Variants in CSMD1 observed in about 807,000 individuals in gnomAD.
The protein encoded by CSMD1 is CUB and sushi domain-containing protein 1.
A neutral mutation model predicts 417.5 loss-of-function variants in CSMD1; 213 were observed. The observed-to-expected ratio is 0.51, with a 90% CI of 0.46 to 0.57. The LOEUF is 0.57. Among genes scored for constraint, CSMD1 ranks in the 20% least tolerant of loss-of-function variants. CSMD1 has a pLI of 0.00. For missense variants in CSMD1, 6,923 were observed against 4,529.7 expected, an observed-to-expected ratio of 1.53 and a Z score of -15.17; for synonymous variants, 2,862 against 1,736.8, an observed-to-expected ratio of 1.65 and a Z score of -16.11.
intron 10 of CSMD1, among the ~76,000 whole-genome samples, chr8:3,514,975 C>T (rs1467737728): frequency 2.0e-5 from 3 of 152,078 alleles, no homozygotes; most frequent in African/African-American, 7.2e-5. Flanking sequence ...ATCAAAGTGC[C>T]TTTTAAAAAC....
At chr8:4,068,379 G>T (rs549676160) in intron 3 of CSMD1, among the ~76,000 whole-genome samples, 54 of 152,290 alleles carry the variant, frequency 3.5e-4, no homozygotes, top group African/African-American at 1.3e-3. Flanking sequence ...TCAGCCATGG[G>T]AGTGTGACTT....
At chr8:2,972,079 C>T (rs113303318) in intron 57 of CSMD1, among the ~76,000 whole-genome samples, 5 of 151,958 alleles carry the variant, frequency 3.3e-5, no homozygotes, top group African/African-American at 9.6e-5. Flanking sequence ...TATGCACAAA[C>T]ATTCCTATAT....
At chr8:3,946,865 C>T (rs920707035) in intron 5 of CSMD1, among the ~76,000 whole-genome samples, 3 of 152,088 alleles carry the variant, frequency 2.0e-5, no homozygotes, top group South Asian at 2.1e-4. Context: ...TGAAATTGCT[C>T]ATTGCTTGTA....
chr8:3,467,128 G>C (rs1816832092), intron 12 of CSMD1, among the ~76,000 whole-genome samples: 1 of 152,170 alleles, frequency 6.6e-6, no homozygotes, highest in Non-Finnish European at 1.5e-5. Flanking sequence ...TATAATTAAT[G>C]TGGTGTGGTC....
At chr8:4,483,093 A>T (rs184296436) in intron 2 of CSMD1, among the ~76,000 whole-genome samples, 3 of 152,280 alleles carry the variant, frequency 2.0e-5, no homozygotes, top group Non-Finnish European at 4.4e-5. Context: ...TAATTGAATG[A>T]CAGGGGCAGT....
intron 20 of CSMD1, 21 bp from the exon 21 acceptor site, chr8:3,359,361 G>A: frequency 6.4e-7 from 1 of 1,558,136 alleles, no homozygotes; most frequent in Non-Finnish European, 8.8e-7. Flanking sequence ...CAGAGACAGA[G>A]TAAATGCATG....
At chr8:3,660,314 G>A (rs972467710) in intron 7 of CSMD1, among the ~76,000 whole-genome samples, 5 of 151,974 alleles carry the variant, frequency 3.3e-5, no homozygotes, top group South Asian at 2.1e-4. Flanking sequence ...TGGTAACTGT[G>A]TCCACCTTAC....
At chr8:4,432,675 A>T (rs1008206058) in intron 2 of CSMD1, among the ~76,000 whole-genome samples, 3 of 152,310 alleles carry the variant, frequency 2.0e-5, no homozygotes, top group South Asian at 2.1e-4. Flanking sequence ...GAGAGACAAG[A>T]TTCAAACCCT....
intron 46 of CSMD1, among the ~76,000 whole-genome samples, chr8:3,105,213 A>C (rs2129014093): frequency 6.6e-6 from 1 of 152,376 alleles, no homozygotes; most frequent in Admixed American, 6.5e-5. Flanking sequence ...CTGTGTGCAC[A>C]GTGCAGGGAA....
At chr8:3,475,365 T>A (rs937211362) in intron 11 of CSMD1, among the ~76,000 whole-genome samples, 1 of 152,120 alleles carries the variant, frequency 6.6e-6, no homozygotes, top group Non-Finnish European at 1.5e-5. Context: ...AATAAATCAA[T>A]AAATAAAAAT....
intron 3 of CSMD1, among the ~76,000 whole-genome samples, chr8:4,087,085 T>C (rs1295781393): frequency 2.0e-5 from 3 of 152,226 alleles, no homozygotes; most frequent in Non-Finnish European, 4.4e-5. Context: ...CATCCAAGCT[T>C]AGCCTTTCTT....
At chr8:4,721,305 T>G (rs764629296) in intron 1 of CSMD1, among the ~76,000 whole-genome samples, 5 of 152,178 alleles carry the variant, frequency 3.3e-5, no homozygotes, top group Non-Finnish European at 5.9e-5. Flanking sequence ...TACATGTGAT[T>G]TTGTAGTTGG....
chr8:3,940,365 A>T (rs776863012), intron 5 of CSMD1, among the ~76,000 whole-genome samples: 3 of 152,084 alleles, frequency 2.0e-5, no homozygotes, highest in Non-Finnish European at 2.9e-5. Flanking sequence ...TGGGGGGAAA[A>T]CAGTATGTTA....
intron 3 of CSMD1, among the ~76,000 whole-genome samples, chr8:4,268,107 T>A (rs1298259063): frequency 5.3e-5 from 8 of 152,092 alleles, no homozygotes; most frequent in Non-Finnish European, 1.0e-4. Context: ...AAAAACCTAA[T>A]CCAAGAATAT....
intron 5 of CSMD1, among the ~76,000 whole-genome samples, chr8:3,849,719 G>C (rs3109667): frequency 0.17 from 26,103 of 152,038 alleles, 2,468 homozygotes; most frequent in East Asian, 0.4. Flanking sequence ...GGAAACACAG[G>C]GTGTAAACTC....
intron 25 of CSMD1, among the ~76,000 whole-genome samples, chr8:3,289,716 C>G (rs181647497): frequency 2.7e-5 from 4 of 147,088 alleles, no homozygotes; most frequent in South Asian, 2.1e-4. Context: ...ATTGTAGATT[C>G]TGGATATTAG....
intron 1 of CSMD1, among the ~76,000 whole-genome samples, chr8:4,760,731 T>C (rs1157524860): frequency 3.3e-5 from 5 of 152,174 alleles, no homozygotes; most frequent in Admixed American, 1.3e-4. Context: ...GTAATAATGA[T>C]TAAGTTTGGG....
chr8:4,603,654 A>C (rs1232561813), intron 2 of CSMD1, among the ~76,000 whole-genome samples: 3 of 152,134 alleles, frequency 2.0e-5, no homozygotes, highest in Non-Finnish European at 4.4e-5. Flanking sequence ...AAGTACCTTA[A>C]AATGACGTGG....
chr8:4,122,582 T>C (rs1324717002), intron 3 of CSMD1, among the ~76,000 whole-genome samples: 2 of 152,302 alleles, frequency 1.3e-5, no homozygotes, highest in Admixed American at 6.5e-5. Flanking sequence ...GGACATCGCA[T>C]GCCCTACAAA....
Sources: allele counts gnomAD v4.1 joint callset (sites outside exome capture counted in the v4.1 genomes callset), GRCh38; gene constraint gnomAD v4.1.1; transcripts MANE v1.5; gene names NCBI Gene and HGNC (gene_info 2026-07-23, HGNC 2026-07-21).